TMEM100: variants seen among roughly 807,000 people sequenced by gnomAD.
TMEM100 encodes transmembrane protein 100.
For missense variants in TMEM100, 137 were observed against 168.2 expected (o/e 0.81, Z 1.02); for synonymous variants, 61 against 67.1 (o/e 0.91, Z 0.44).
upstream of TMEM100, among the ~76,000 whole-genome samples, chr17:55,726,063 A>T (rs1030157838): frequency 2.6e-5 from 4 of 152,160 alleles, no homozygotes; most frequent in African/African-American, 9.7e-5. Context: ...TGAGAATGGC[A>T]TTTGGTGCCT....
chr17:55,727,886 A>G (rs1909111897), exon 2 of TMEM100: 1 of 152,190 alleles, frequency 6.6e-6, no homozygotes, highest in Admixed American at 6.5e-5. Flanking sequence ...GGCCTCCTCC[A>G]GATAATTGAA....
chr17:55,727,707 T>C (rs1031841509), upstream of TMEM100: 1 of 152,184 alleles, frequency 6.6e-6, no homozygotes, highest in African/African-American at 2.4e-5. Flanking sequence ...CCTCGCAACA[T>C]GTAAAGTGTC....
chr17:55,724,330 A>G (rs1357654182), upstream of TMEM100, among the ~76,000 whole-genome samples: 2 of 152,172 alleles, frequency 1.3e-5, no homozygotes, highest in Non-Finnish European at 2.9e-5. Context: ...ATGTCCTTAT[A>G]AAAAATAAAG....
chr17:55,724,008 C>G (rs1425312604), upstream of TMEM100, among the ~76,000 whole-genome samples: 1 of 152,210 alleles, frequency 6.6e-6, no homozygotes, highest in African/African-American at 2.4e-5. Flanking sequence ...GGAGCTCATC[C>G]TACACTCTGT....
upstream of TMEM100, among the ~76,000 whole-genome samples, chr17:55,723,244 G>A (rs534931011): frequency 6.6e-6 from 1 of 152,280 alleles, no homozygotes; most frequent in South Asian, 2.1e-4. Flanking sequence ...GGCAGAAACA[G>A]CTGTGAAGTC....
At position 55,719,667 on chromosome 17, in the gene TMEM100, A is replaced by T. The variant is rs1597952466; in HGVS notation, c.*999T>A. 6.6e-6 allele frequency: 1 copy of T among 152,244 alleles called. No individual in the cohort carries two copies. The highest frequency in any genetic ancestry group is 1.9e-4 in the East Asian group (1 of 5,204). 9.4% of individuals were successfully genotyped at this position (152,244 alleles called of 1,614,324 possible). On this transcript the variant is annotated 3_prime_UTR_variant, in exon 2 of 2. Transcript: ENST00000424486. The stretch of plus-strand genomic sequence containing the variant: ...ATATACATTTAATAGCACATTATAA[A>T]GTTCCTGACCAAAGACGTTGATTTC...
rs749667004 is a variant in TMEM100 at position 55,720,782 on chromosome 17, G to A, written c.289C>T (p.Leu97Phe). Reference sequence around the variant, plus strand: ...AAGGCACTGGAGGCTAGTAAAAAAAGTCCAGATGACAGAACAACCAGGCCA... The same window carrying A: ...AAGGCACTGGAGGCTAGTAAAAAAAATCCAGATGACAGAACAACCAGGCCA... Reference protein sequence around the residue: ...IFGLVVLSSGLFLLASSALCW... With the variant: ...IFGLVVLSSGFFLLASSALCW... Residue 97 changes from leucine (L) to phenylalanine (F), a missense_variant, in exon 2 of 2, where the codon CTT becomes TTT. Physicochemically the swap from Leu to Phe is conservative, Grantham distance 22. Coordinates refer to ENST00000424486, the MANE Select transcript of TMEM100 (RefSeq NM_018286.3). The A allele has an allele frequency of 8.1e-6, 13 of 1,614,090 alleles. No individual in the cohort carries two copies. In the South Asian group the frequency reaches 1.1e-4, roughly 14 times the overall value.
chr17:55,725,054 T>A (rs1909025694), upstream of TMEM100, among the ~76,000 whole-genome samples: 1 of 152,220 alleles, frequency 6.6e-6, no homozygotes, highest in Non-Finnish European at 1.5e-5. Flanking sequence ...AAAGCAGACA[T>A]TGTATCAGAA....
At chr17:55,724,253 A>T (rs1909003166), upstream of TMEM100, among the ~76,000 whole-genome samples, 1 of 152,182 alleles carries the variant, frequency 6.6e-6, no homozygotes. Context: ...CAATACCCTG[A>T]TGACTTGTCA....
upstream of TMEM100, among the ~76,000 whole-genome samples, chr17:55,723,714 G>T (rs929695456): frequency 6.6e-6 from 1 of 152,206 alleles, no homozygotes; most frequent in Non-Finnish European, 1.5e-5. Context: ...TGGGGAGATT[G>T]TTAAATTTAG....
intron 1 of TMEM100, 194 bp downstream of exon 1, chr17:55,722,425 T>G (rs1476906672): frequency 6.6e-6 from 1 of 152,182 alleles, no homozygotes; most frequent in African/African-American, 2.4e-5. Context: ...TGAAACTAAA[T>G]CTTAGAGCTG....
At chr17:55,723,670 T>A (rs1411235418), upstream of TMEM100, among the ~76,000 whole-genome samples, 1 of 152,214 alleles carries the variant, frequency 6.6e-6, no homozygotes, top group Non-Finnish European at 1.5e-5. Context: ...ACCCTTGGTT[T>A]GAACCCTAAT....
In TMEM100 at chr17:55,719,788, C is replaced by T. The variant is rs757476397; in HGVS notation, c.*878G>A. The T allele has an allele frequency of 7.2e-5, 11 of 152,454 alleles. No individual in the cohort carries two copies. The highest frequency in any genetic ancestry group is 8.8e-5 in the Non-Finnish European group (6 of 68,008). 9.4% of individuals were successfully genotyped at this position (152,454 alleles called of 1,614,324 possible). On this transcript the variant is annotated 3_prime_UTR_variant, in exon 2 of 2. Coordinates refer to ENST00000424486, the MANE Select transcript of TMEM100 (RefSeq NM_018286.3). ...AACCAATATGATAAAAACAAAAATC[C>T]TCCAGTAAAGAAGGAACCTGTCCAT... is the stretch of plus-strand genomic sequence containing the variant.
In TMEM100 at chr17:55,721,088, T is replaced by C; in HGVS notation, c.-18A>G. 6.3e-7 allele frequency: 1 copy of C among 1,591,782 alleles called. No homozygotes were observed. Among genetic ancestry groups the C allele is most frequent in the Non-Finnish European group, 8.6e-7 (1 of 1,169,524 alleles). On this transcript the variant is annotated 5_prime_UTR_variant, in exon 2 of 2. Transcript: ENST00000424486. ...TCAGTCATTTTTACAACAGTGCTTC[T>C]AAGCTGGGTTTACAGACTAGATCTG... is the stretch of plus-strand genomic sequence containing the variant.
chr17:55,731,271 C>G (rs1224673583), intron 1 of TMEM100, among the ~76,000 whole-genome samples: 3 of 152,168 alleles, frequency 2.0e-5, no homozygotes, highest in African/African-American at 7.2e-5. Flanking sequence ...GCTAATAGGG[C>G]TTGATCATCC....
upstream of TMEM100, among the ~76,000 whole-genome samples, chr17:55,725,699 ATATGTGTGTGTGTGTGTGTGTGTGTG>A: frequency 1.1e-5 from 1 of 88,536 alleles, no homozygotes; most frequent in African/African-American, 3.9e-5. Flanking sequence ...TAACCCATAT[ATATGTGTGTGTGTGTGTGTGTGTGTG>A]TGTGTGTGTG....
chr17:55,724,558 C>T (rs1399794842), upstream of TMEM100, among the ~76,000 whole-genome samples: 7 of 152,286 alleles, frequency 4.6e-5, no homozygotes, highest in Admixed American at 6.5e-5. Flanking sequence ...CCGCTGGCTA[C>T]GTACAATGGA....
upstream of TMEM100, among the ~76,000 whole-genome samples, chr17:55,723,490 C>G (rs1449485653): frequency 6.6e-6 from 1 of 152,108 alleles, no homozygotes; most frequent in Non-Finnish European, 1.5e-5. Flanking sequence ...TTAGCAGCAC[C>G]AAGATTATCA....
upstream of TMEM100, among the ~76,000 whole-genome samples, chr17:55,727,313 T>C (rs1227383002): frequency 6.6e-6 from 1 of 152,232 alleles, no homozygotes; most frequent in Non-Finnish European, 1.5e-5. Flanking sequence ...AAGCCCGAAG[T>C]TCGAGAGTTA....
Sources: allele counts gnomAD v4.1 joint callset (sites outside exome capture counted in the v4.1 genomes callset), GRCh38; gene constraint gnomAD v4.1.1; transcripts MANE v1.5; gene names NCBI Gene and HGNC (gene_info 2026-07-23, HGNC 2026-07-21).